The following FAM107B variants were observed in gnomAD, a reference collection of about 807,000 sequenced individuals.
FAM107B encodes the protein family with sequence similarity 107 member B, also known as protein FAM107B.
A neutral mutation model predicts 31.5 loss-of-function variants in FAM107B; 21 were observed. The observed-to-expected ratio is 0.67, with a 90% CI of 0.47 to 0.96. The LOEUF (loss-of-function observed/expected upper bound fraction) is 0.96, where lower values mean the gene tolerates loss of function less well. FAM107B is among the 40% of genes least tolerant of loss of function. The pLI is 0.00. For synonymous variants in FAM107B, 157 were observed against 141.5 expected, an observed-to-expected ratio of 1.11 and a Z score of -0.78; for missense variants, 452 against 377.1, an observed-to-expected ratio of 1.20 and a Z score of -1.64.
chr10:14,588,960 T>TC (rs1851931398), intron 2 of FAM107B, among the ~76,000 whole-genome samples: 3 of 152,006 alleles, frequency 2.0e-5, no homozygotes, highest in Admixed American at 6.5e-5. Context: ...AGCAGGCAGA[T>TC]CACTTGAGGT....
At chr10:14,653,335 T>C (rs1300627157) in intron 2 of FAM107B, among the ~76,000 whole-genome samples, 2 of 152,220 alleles carry the variant, frequency 1.3e-5, no homozygotes, top group African/African-American at 4.8e-5. Context: ...CCATGCACAC[T>C]GGAGTTATGC....
chr10:14,630,490 G>T (rs545415219), intron 2 of FAM107B, among the ~76,000 whole-genome samples: 1 of 151,844 alleles, frequency 6.6e-6, no homozygotes, highest in African/African-American at 2.4e-5. Context: ...TCAAAACTAT[G>T]TTTTGAAGTT....
At position 14,548,486 on chromosome 10, in the gene FAM107B, G is replaced by A. The variant is rs542398280; in HGVS notation, c.470-17971C>T. ...CGCAGGGCTCCTCTGCAGTTCACAC[G>A]AGAATGCTGGAGTTGGCCCAGGGCT... On this transcript the variant is annotated intron_variant, in intron 2 of 4. Transcript: ENST00000181796. The A allele has an allele frequency of 1.0e-5, 10 of 985,590 alleles. No homozygotes were observed. The African/African-American group carries it at 1.4e-4, about 14-fold the overall frequency. The allele number at this position is 985,590 out of a possible 1,614,324, so 61.1% of individuals were successfully genotyped here. A position where few individuals can be genotyped will look rare whatever the true frequency, so the allele number is the denominator to read the frequency against.
intron 1 of FAM107B, among the ~76,000 whole-genome samples, chr10:14,731,287 T>G (rs1372089618): frequency 6.6e-6 from 1 of 152,072 alleles, no homozygotes; most frequent in Non-Finnish European, 1.5e-5. Context: ...CAAGGCCAGG[T>G]GTGGTGGCTC....
At chr10:14,689,720 G>C (rs975571826) in intron 1 of FAM107B, among the ~76,000 whole-genome samples, 2 of 152,172 alleles carry the variant, frequency 1.3e-5, no homozygotes, top group Non-Finnish European at 2.9e-5. Context: ...CAGCATTTTG[G>C]GAGGCTGAGG....
At chr10:14,623,844 T>C (rs1380583040) in intron 2 of FAM107B, among the ~76,000 whole-genome samples, 1 of 152,134 alleles carries the variant, frequency 6.6e-6, no homozygotes, top group South Asian at 2.1e-4. Context: ...AGTAAATCGC[T>C]CACACTTGGG....
Position 14,774,797 on chromosome 10 carries a change from T to C in FAM107B, c.-134A>G. On this transcript the variant is annotated 5_prime_UTR_variant, in exon 1 of 5. Coordinates refer to ENST00000181796, the MANE Select transcript of FAM107B (RefSeq NM_031453.4). Reference sequence around the variant, plus strand: ...GAACTTGCTAGTGGTTGCCCCTAAATAGAAGTTGGGATGGCAAGGCCACCT... The same window carrying C: ...GAACTTGCTAGTGGTTGCCCCTAAACAGAAGTTGGGATGGCAAGGCCACCT... 7.6e-6 allele frequency: 8 copies of C among 1,054,724 alleles called. No homozygotes were observed. Among genetic ancestry groups the C allele is most frequent in the Non-Finnish European group, 1.1e-5 (8 of 746,710 alleles). 65.3% of individuals were successfully genotyped at this position (1,054,724 alleles called of 1,614,324 possible). A position where few individuals can be genotyped will look rare whatever the true frequency, so the allele number is the denominator to read the frequency against.
At chr10:14,625,959 G>C (rs762082622) in intron 2 of FAM107B, among the ~76,000 whole-genome samples, 44 of 150,694 alleles carry the variant, frequency 2.9e-4, no homozygotes, top group Non-Finnish European at 5.5e-4. Flanking sequence ...TGCCTACATC[G>C]TTAGAGAACA....
intron 1 of FAM107B, among the ~76,000 whole-genome samples, chr10:14,718,427 AAGAG>A (rs775404260): frequency 5.4e-5 from 8 of 147,500 alleles, no homozygotes; most frequent in Non-Finnish European, 7.5e-5. Context: ...GAAAGAAAGA[AAGAG>A]AGGGAGGGAG....
chr10:14,747,391 G>A (rs1164870976), intron 1 of FAM107B, among the ~76,000 whole-genome samples: 1 of 152,206 alleles, frequency 6.6e-6, no homozygotes, highest in Non-Finnish European at 1.5e-5. Flanking sequence ...TGAGTTTTCA[G>A]TATTTTTTAT....
chr10:14,526,188 CGG>C (rs1181334457), intron 3 of FAM107B, among the ~76,000 whole-genome samples: 1 of 151,888 alleles, frequency 6.6e-6, no homozygotes, highest in South Asian at 2.1e-4. Context: ...TCTTTTTTTC[CGG>C]GGGGACAGAG....
rs1000645567 is a variant in FAM107B at position 14,774,259 on chromosome 10, C to A, written c.405G>T (p.Thr135=). The stretch of plus-strand genomic sequence containing the variant: ...AGAGCGAACACTCACTCACCTTGGG[C>A]GTGTCAATAATTGATGGTCTGGGGA... ...ASIPRPSIID[T]PKEEEFREEP... Residue 135 remains threonine (T), a synonymous_variant, in exon 1 of 5, where the codon ACG becomes ACT. Coordinates refer to ENST00000181796, the MANE Select transcript of FAM107B (RefSeq NM_031453.4). 3 of 1,607,548 alleles carry A rather than the reference C, an allele frequency of 1.9e-6. No homozygotes were observed. Among genetic ancestry groups the A allele is most frequent in the Non-Finnish European group, 2.6e-6 (3 of 1,175,550 alleles).
intron 2 of FAM107B, among the ~76,000 whole-genome samples, chr10:14,618,960 G>C (rs1300576088): frequency 6.6e-6 from 1 of 152,198 alleles, no homozygotes; most frequent in Admixed American, 6.5e-5. Context: ...CACGCAGGAA[G>C]AAGATGGTCT....
chr10:14,536,504 G>C (rs1177705257), intron 2 of FAM107B, among the ~76,000 whole-genome samples: 1 of 152,190 alleles, frequency 6.6e-6, no homozygotes, highest in African/African-American at 2.4e-5. Context: ...ACACCTCTTA[G>C]ATCCAAAGCC....
intron 2 of FAM107B, among the ~76,000 whole-genome samples, chr10:14,573,009 T>C (rs1192628368): frequency 6.6e-6 from 1 of 152,004 alleles, no homozygotes; most frequent in Non-Finnish European, 1.5e-5. Flanking sequence ...GGAATTACCA[T>C]TGCAGAGGCA....
chr10:14,744,751 T>C (rs1832691635), intron 1 of FAM107B, among the ~76,000 whole-genome samples: 3 of 152,164 alleles, frequency 2.0e-5, no homozygotes, highest in Non-Finnish European at 4.4e-5. Flanking sequence ...GGTTTGCCAG[T>C]ATTTTATTGA....
intron 2 of FAM107B, among the ~76,000 whole-genome samples, chr10:14,629,704 G>C (rs1179619180): frequency 2.7e-5 from 4 of 149,440 alleles, no homozygotes; most frequent in Non-Finnish European, 5.9e-5. Context: ...TAGTAGAGGT[G>C]GGGTTTCACC....
chr10:14,572,030 C>T, intron 2 of FAM107B: 4 of 985,404 alleles, frequency 4.1e-6, no homozygotes, highest in Non-Finnish European at 4.8e-6. Flanking sequence ...TGAAGAAAAG[C>T]ACCCAAAACA....
At chr10:14,591,375 G>A (rs11259209) in intron 2 of FAM107B, among the ~76,000 whole-genome samples, 46,056 of 152,018 alleles carry the variant, frequency 0.3, 7,372 homozygotes, top group Non-Finnish European at 0.36. Flanking sequence ...AGAAGACCGT[G>A]CAAACGGTAA....
Sources: allele counts gnomAD v4.1 joint callset (sites outside exome capture counted in the v4.1 genomes callset), GRCh38; gene constraint gnomAD v4.1.1; transcripts MANE v1.5; gene names NCBI Gene and HGNC (gene_info 2026-07-23, HGNC 2026-07-21).